Variants in NAALADL2 observed in about 807,000 individuals in gnomAD.
NAALADL2 encodes N-acetylated alpha-linked acidic dipeptidase like 2.
NAALADL2 carries 76 observed loss-of-function variants against 87.2 expected under a neutral mutation model. The observed-to-expected ratio is 0.87, with a 90% CI of 0.72 to 1.05. The LOEUF (loss-of-function observed/expected upper bound fraction) is 1.05. NAALADL2 is among the 50% of genes least tolerant of loss of function. The probability of loss-of-function intolerance (pLI) is 0.00; values close to 1 mark genes in which losing one functional copy is unlikely to be tolerated. For missense variants in NAALADL2, 1,089 were observed against 945.8 expected (o/e 1.15, Z -1.99); for synonymous variants, 354 against 331.0 (o/e 1.07, Z -0.75).
intron 6 of NAALADL2, among the ~76,000 whole-genome samples, chr3:175,454,705 A>G (rs2149245680): frequency 6.6e-6 from 1 of 152,154 alleles, no homozygotes; most frequent in South Asian, 2.1e-4. Flanking sequence ...TGTTAACAAG[A>G]TTTGTTTTGT....
In NAALADL2 at chr3:175,698,504, A is replaced by ATATATAT. The variant is rs1278192087; in HGVS notation, c.1897-38802_1897-38801insTATATAT. Among the ~76,000 whole-genome samples, 169 of 86,982 alleles carry ATATATAT rather than the reference A, an allele frequency of 1.9e-3. 11 individuals are homozygous for ATATATAT. Among genetic ancestry groups the ATATATAT allele is most frequent in the African/African-American group, 5.7e-3 (92 of 16,186 alleles). The allele number at this position is 86,982 out of a possible 152,430, so 57.1% of individuals were successfully genotyped here. A position where few individuals can be genotyped will look rare whatever the true frequency, so the allele number is the denominator to read the frequency against. On this transcript the variant is annotated intron_variant, in intron 11 of 13. Transcript: ENST00000454872. ...ATATTTATATATATATATATATATA[A>ATATATAT]AATCTCCAAGCAAATTCCTATGTAC...
At chr3:175,691,253 GATA>G (rs1025542064) in intron 11 of NAALADL2, among the ~76,000 whole-genome samples, 16 of 150,308 alleles carry the variant, frequency 1.1e-4, no homozygotes, top group African/African-American at 3.4e-4. Flanking sequence ...TATACACACA[GATA>G]ATATATATAT....
chr3:174,667,654 A>G (rs1477545326), intron 2 of NAALADL2, among the ~76,000 whole-genome samples: 2 of 147,362 alleles, frequency 1.4e-5, no homozygotes, highest in African/African-American at 2.5e-5. Flanking sequence ...TTGTAAATTG[A>G]CTGTTATCTC....
At chr3:175,475,512 G>C (rs578121144) in intron 9 of NAALADL2, among the ~76,000 whole-genome samples, 11 of 152,126 alleles carry the variant, frequency 7.2e-5, no homozygotes, top group Non-Finnish European at 1.5e-4. Context: ...GCAGCATTCT[G>C]TAAGTCTTAA....
intron 2 of NAALADL2, among the ~76,000 whole-genome samples, chr3:174,674,522 A>G (rs764497631): frequency 1.5e-4 from 22 of 150,698 alleles, no homozygotes; most frequent in Non-Finnish European, 2.2e-4. Context: ...TTTTTTTTCC[A>G]CCTATCTTTA....
At chr3:175,554,474 C>G (rs1211786445) in intron 9 of NAALADL2, among the ~76,000 whole-genome samples, 7 of 151,922 alleles carry the variant, frequency 4.6e-5, no homozygotes, top group Non-Finnish European at 1.0e-4. Context: ...TAGGCTATTT[C>G]TAATATTCCC....
intron 2 of NAALADL2, among the ~76,000 whole-genome samples, chr3:174,677,828 G>A (rs982378460): frequency 6.6e-6 from 1 of 151,356 alleles, no homozygotes; most frequent in East Asian, 1.9e-4. Context: ...ATACTAGACA[G>A]CACTTCAGCA....
intron 2 of NAALADL2, among the ~76,000 whole-genome samples, chr3:175,113,853 T>G (rs1233401020): frequency 1.3e-5 from 2 of 151,608 alleles, no homozygotes; most frequent in African/African-American, 4.8e-5. Flanking sequence ...CAAAGTTTTC[T>G]CTGGAGAAAA....
At chr3:175,400,147 T>C (rs893468182) in intron 5 of NAALADL2, among the ~76,000 whole-genome samples, 4 of 152,118 alleles carry the variant, frequency 2.6e-5, no homozygotes, top group Non-Finnish European at 5.9e-5. Context: ...GGGATACAGA[T>C]GTGAATTCAG....
At chr3:175,780,144 T>C (rs376499227) in intron 13 of NAALADL2, among the ~76,000 whole-genome samples, 45 of 149,804 alleles carry the variant, frequency 3.0e-4, no homozygotes, top group South Asian at 1.3e-3. Flanking sequence ...GGCGTGGTGG[T>C]GGGCACCTGT....
At chr3:175,556,719 TA>T (rs1715335866) in intron 9 of NAALADL2, among the ~76,000 whole-genome samples, 1 of 152,226 alleles carries the variant, frequency 6.6e-6, no homozygotes, top group African/African-American at 2.4e-5. Flanking sequence ...CTCTGAAGTT[TA>T]AAAACTATCT....
At chr3:174,515,601 T>C (rs1268830542) in intron 1 of NAALADL2, among the ~76,000 whole-genome samples, 1 of 151,772 alleles carries the variant, frequency 6.6e-6, no homozygotes, top group Non-Finnish European at 1.5e-5. Context: ...ATATTATAGA[T>C]GTGTGATCAA....
Position 174,672,982 on chromosome 3 carries a change from G to A in NAALADL2, c.-114-64659G>A, listed in dbSNP as rs567518708. On this transcript the variant is annotated intron_variant, in intron 2 of 3. Coordinates refer to the NAALADL2 transcript ENST00000434257. Reference sequence around the variant, plus strand: ...TGTACACAGAGGCATGTCTCATTCTGATGTATATTTTCACAAAATCCCTTT... The same window carrying A: ...TGTACACAGAGGCATGTCTCATTCTAATGTATATTTTCACAAAATCCCTTT... 9.9e-5 allele frequency among the ~76,000 whole-genome samples: 15 copies of A among 152,054 alleles called. No individual in the cohort carries two copies. In the East Asian group the frequency reaches 2.9e-3, roughly 29 times the overall value.
At chr3:174,982,693 A>C (rs1398803713) in intron 1 of NAALADL2, among the ~76,000 whole-genome samples, 1 of 152,230 alleles carries the variant, frequency 6.6e-6, no homozygotes, top group Non-Finnish European at 1.5e-5. Context: ...GATTTCATGA[A>C]TTTTATGTAG....
At chr3:174,787,602 T>TATATATACATATATATATATACACAC (rs1553855433) in intron 3 of NAALADL2, among the ~76,000 whole-genome samples, 1 of 73,370 alleles carries the variant, frequency 1.4e-5, no homozygotes, top group African/African-American at 4.3e-5. Flanking sequence ...TATATATATA[T>TATATATACATATATATATATACACAC]ATATATATAT....
intron 2 of NAALADL2, among the ~76,000 whole-genome samples, chr3:175,171,601 C>T (rs573212712): frequency 6.6e-6 from 1 of 152,178 alleles, no homozygotes; most frequent in Non-Finnish European, 1.5e-5. Context: ...CTCTGTCTAG[C>T]TACTGTGTTG....
At chr3:174,868,223 G>C (rs563800687) in intron 1 of NAALADL2, among the ~76,000 whole-genome samples, 1 of 152,148 alleles carries the variant, frequency 6.6e-6, no homozygotes, top group East Asian at 1.9e-4. Context: ...ATAACAGTGA[G>C]GTATCGAAAT....
intron 12 of NAALADL2, among the ~76,000 whole-genome samples, chr3:175,741,222 G>GT (rs2150095508): frequency 6.6e-6 from 1 of 152,308 alleles, no homozygotes; most frequent in South Asian, 2.1e-4. Flanking sequence ...AGCATCAGCA[G>GT]TTTCGCTGTT....
chr3:174,736,970 C>A (rs573307089), intron 2 of NAALADL2, among the ~76,000 whole-genome samples: 1 of 152,308 alleles, frequency 6.6e-6, no homozygotes, highest in African/African-American at 2.4e-5. Context: ...CTGCGCACAC[C>A]CAGCCAGGTT....
Sources: allele counts gnomAD v4.1 joint callset (sites outside exome capture counted in the v4.1 genomes callset), GRCh38; gene constraint gnomAD v4.1.1; transcripts MANE v1.5; gene names NCBI Gene and HGNC (gene_info 2026-07-23, HGNC 2026-07-21).